GPRIN3: variants seen among roughly 807,000 people sequenced by gnomAD.
GPRIN3 encodes the protein GPRIN family member 3.
A neutral mutation model predicts 13.7 loss-of-function variants in GPRIN3; 12 were observed. That is an observed-to-expected ratio of 0.87 (90% confidence interval 0.56 to 1.42). The LOEUF (loss-of-function observed/expected upper bound fraction) is 1.42, where lower values mean the gene tolerates loss of function less well. Among genes scored for constraint, GPRIN3 ranks in the 40% most tolerant of loss-of-function variants. GPRIN3 has a pLI of 0.00. For missense variants in GPRIN3, 1,009 were observed against 958.7 expected (o/e 1.05, Z -0.69); for synonymous variants, 377 against 372.7 (o/e 1.01, Z -0.13).
intron 1 of GPRIN3, among the ~76,000 whole-genome samples, chr4:89,293,775 C>T (rs570609947): frequency 4.6e-5 from 7 of 152,286 alleles, no homozygotes; most frequent in South Asian, 2.1e-4. Context: ...GACGTGAAAG[C>T]GACTGCAAAG....
At chr4:89,300,096 T>C (rs1724853943) in intron 1 of GPRIN3, among the ~76,000 whole-genome samples, 1 of 152,178 alleles carries the variant, frequency 6.6e-6, no homozygotes, top group Non-Finnish European at 1.5e-5. Flanking sequence ...ACTCTACAAA[T>C]TTTGATACTG....
rs1414624830 is a variant in GPRIN3, at chr4:89,241,009, T to C, written c.*6771A>G. 7 of 152,302 alleles carry C rather than the reference T, an allele frequency of 4.6e-5. No homozygotes were observed. The highest frequency in any genetic ancestry group is 4.4e-5 in the Non-Finnish European group (3 of 68,012). 9.4% of individuals were successfully genotyped at this position (152,302 alleles called of 1,614,324 possible). A position where few individuals can be genotyped will look rare whatever the true frequency, so the allele number is the denominator to read the frequency against. Reference sequence around the variant, plus strand: ...CAAGGTATGTACACAATCACACCCATAGTATGTACATCCTAGTCACACACT... The same window carrying C: ...CAAGGTATGTACACAATCACACCCACAGTATGTACATCCTAGTCACACACT... On this transcript the variant is annotated 3_prime_UTR_variant, in exon 2 of 2. Coordinates refer to ENST00000609438, the MANE Select transcript of GPRIN3 (RefSeq NM_198281.3).
chr4:89,269,467 C>T (rs574534739), intron 1 of GPRIN3, among the ~76,000 whole-genome samples: 1 of 152,274 alleles, frequency 6.6e-6, no homozygotes, highest in South Asian at 2.1e-4. Context: ...CTTTCTCCTA[C>T]CTCCTCCAAA....
chr4:89,269,104 T>C (rs1305101378), intron 1 of GPRIN3, among the ~76,000 whole-genome samples: 2 of 152,148 alleles, frequency 1.3e-5, no homozygotes, highest in South Asian at 2.1e-4. Context: ...TCTCCAAATA[T>C]TTCTAGGTTA....
At chr4:89,289,118 T>C (rs1338251192) in intron 1 of GPRIN3, among the ~76,000 whole-genome samples, 1 of 150,556 alleles carries the variant, frequency 6.6e-6, no homozygotes, top group Non-Finnish European at 1.5e-5. Context: ...TTCAGGCCTC[T>C]TCTTTCCTGT....
chr4:89,297,348 G>A (rs556457935), intron 1 of GPRIN3, among the ~76,000 whole-genome samples: 1 of 152,218 alleles, frequency 6.6e-6, no homozygotes, highest in Admixed American at 6.5e-5. Context: ...GTTCTCTTAT[G>A]CTCTAGAATC....
intron 1 of GPRIN3, among the ~76,000 whole-genome samples, chr4:89,301,540 A>C (rs1724897897): frequency 6.6e-6 from 1 of 152,244 alleles, no homozygotes; most frequent in Admixed American, 6.5e-5. Flanking sequence ...TCATTAAACC[A>C]AAGTTATACA....
intron 1 of GPRIN3, among the ~76,000 whole-genome samples, chr4:89,258,025 T>G (rs1374766737): frequency 6.6e-6 from 1 of 151,730 alleles, no homozygotes; most frequent in Non-Finnish European, 1.5e-5. Context: ...CTCAGTGTTT[T>G]AGGGGAGGGA....
chr4:89,279,603 T>G (rs1724189351), intron 1 of GPRIN3, among the ~76,000 whole-genome samples: 1 of 152,252 alleles, frequency 6.6e-6, no homozygotes, highest in South Asian at 2.1e-4. Flanking sequence ...AAACTGCCCT[T>G]GCTCAAGCCA....
chr4:89,306,324 A>C (rs1207456118), intron 1 of GPRIN3, among the ~76,000 whole-genome samples: 2 of 152,194 alleles, frequency 1.3e-5, no homozygotes. Context: ...ATTCGGGCGA[A>C]GTACACTCAA....
chr4:89,292,055 T>C (rs1328782129), intron 1 of GPRIN3, among the ~76,000 whole-genome samples: 1 of 152,180 alleles, frequency 6.6e-6, no homozygotes, highest in Non-Finnish European at 1.5e-5. Flanking sequence ...CATGAAGCTC[T>C]GCCACCCCAT....
rs780926554 is a variant in GPRIN3 at position 89,249,150 on chromosome 4, C to G, written c.961G>C (p.Glu321Gln). Residue 321 changes from glutamate to glutamine, a missense_variant, in exon 2 of 2, where the codon GAG (glutamate) becomes CAG (glutamine). By Grantham distance (29) the Glu-to-Gln change is conservative. Transcript: ENST00000609438. Reference protein sequence around the residue: ...EVPSRAWQDAEVQAVASVESR... With the variant: ...EVPSRAWQDAQVQAVASVESR... Reference sequence around the variant, plus strand: ...TCGACACTCGCCACTGCCTGCACCTCCGCATCTTGCCAAGCCCTGCTGGGA... The same window carrying G: ...TCGACACTCGCCACTGCCTGCACCTGCGCATCTTGCCAAGCCCTGCTGGGA... The G allele has an allele frequency of 2.2e-5, 35 of 1,614,216 alleles. No individual in the cohort carries two copies. In the Middle Eastern group the frequency reaches 6.6e-4, roughly 30 times the overall value.
intron 1 of GPRIN3, among the ~76,000 whole-genome samples, chr4:89,280,100 C>T (rs1453624333): frequency 6.6e-6 from 1 of 152,016 alleles, no homozygotes; most frequent in Non-Finnish European, 1.5e-5. Context: ...TCATTCTCGC[C>T]TCTCTCTCCT....
chr4:89,287,583 G>T (rs1724457808), intron 1 of GPRIN3, among the ~76,000 whole-genome samples: 1 of 152,182 alleles, frequency 6.6e-6, no homozygotes, highest in Non-Finnish European at 1.5e-5. Context: ...GAAAGTATAT[G>T]CAGGAAGAGC....
Position 89,238,838 on chromosome 4 carries a change from C to T in GPRIN3, c.*8942G>A, listed in dbSNP as rs2149244631. 6.6e-6 allele frequency: 1 copy of T among 151,916 alleles called. No homozygotes were observed. The highest frequency in any genetic ancestry group is 1.9e-4 in the East Asian group (1 of 5,178). The allele number at this position is 151,916 out of a possible 1,614,324, so 9.4% of individuals were successfully genotyped here. A position where few individuals can be genotyped will look rare whatever the true frequency, so the allele number is the denominator to read the frequency against. On this transcript the variant is annotated 3_prime_UTR_variant, in exon 2 of 2. Coordinates refer to ENST00000609438, the MANE Select transcript of GPRIN3 (RefSeq NM_198281.3). ...ATAGCAGTGGAAACAATAATAACAT[C>T]AACAAAAAACAGAATAAATTGTATC...
Position 89,248,035 on chromosome 4 carries a change from G to A in GPRIN3, c.2076C>T (p.Thr692=). ...RDVVWDEQGM[T]WEVYGASLDA... is the part of the protein sequence containing the mutation. ...CCAAGGATGCACCATACACTTCCCA[G>A]GTCATTCCCTGCTCATCCCACACGA... The change falls in exon 2 of 2, where the codon ACC becomes ACT. Residue 692 remains threonine, a synonymous_variant. Coordinates refer to ENST00000609438, the MANE Select transcript of GPRIN3 (RefSeq NM_198281.3). The A allele has an allele frequency of 6.2e-7, 1 of 1,614,110 alleles. No homozygotes were observed. Among genetic ancestry groups the A allele is most frequent in the Non-Finnish European group, 8.5e-7 (1 of 1,180,006 alleles).
At chr4:89,253,799 T>C (rs1723393852) in intron 1 of GPRIN3, among the ~76,000 whole-genome samples, 1 of 152,180 alleles carries the variant, frequency 6.6e-6, no homozygotes, top group African/African-American at 2.4e-5. Flanking sequence ...TATTTATGCA[T>C]AGATAACAAA....
At chr4:89,287,263 C>T (rs1452407350) in intron 1 of GPRIN3, among the ~76,000 whole-genome samples, 1 of 152,120 alleles carries the variant, frequency 6.6e-6, no homozygotes, top group Non-Finnish European at 1.5e-5. Context: ...AGCAAGAAAG[C>T]AAATGATTAA....
intron 1 of GPRIN3, among the ~76,000 whole-genome samples, chr4:89,290,924 C>T (rs1399683864): frequency 1.3e-5 from 2 of 152,156 alleles, no homozygotes; most frequent in African/African-American, 4.8e-5. Context: ...AGATGGTGAA[C>T]ATAACATTAT....
Sources: gnomAD v4.1 joint callset for allele counts (sites outside exome capture counted in the v4.1 genomes callset) on GRCh38, gnomAD v4.1.1 for gene constraint, MANE v1.5 for transcripts, NCBI Gene and HGNC (gene_info 2026-07-23, HGNC 2026-07-21) for gene names.